PRSS3: variants seen among roughly 807,000 people sequenced by gnomAD.
PRSS3 encodes the protein serine protease 3.
Under a neutral mutation model 20.8 loss-of-function variants are expected in PRSS3, and 14 were observed. The observed-to-expected ratio is 0.67, with a 90% CI of 0.44 to 1.05. The LOEUF is 1.05. Ranked by LOEUF, PRSS3 falls within the 50% of genes least tolerant of loss-of-function variation. The pLI is 0.00. For missense variants in PRSS3, 237 were observed against 306.4 expected (o/e 0.77, Z 1.69); for synonymous variants, 91 against 117.6 (o/e 0.77, Z 1.46).
chr9:33,780,081 A>G (rs1247880908), intron 1 of PRSS3, among the ~76,000 whole-genome samples: 2 of 151,992 alleles, frequency 1.3e-5, no homozygotes, highest in Non-Finnish European at 2.9e-5. Flanking sequence ...GCTAGTTACT[A>G]TATAAGACAA....
intron 1 of PRSS3, among the ~76,000 whole-genome samples, chr9:33,778,846 C>A (rs1002279587): frequency 6.6e-6 from 1 of 152,178 alleles, no homozygotes; most frequent in Non-Finnish European, 1.5e-5. Context: ...CTCTCTCCCC[C>A]ACCCACCTCA....
chr9:33,761,540 C>G (rs546145254), intron 1 of PRSS3, among the ~76,000 whole-genome samples: 1 of 152,124 alleles, frequency 6.6e-6, no homozygotes, highest in South Asian at 2.1e-4. Flanking sequence ...AACCCTGCCT[C>G]TACTAAAATT....
intron 1 of PRSS3, chr9:33,786,831 C>A (rs1824432750): frequency 4.1e-6 from 3 of 734,202 alleles, no homozygotes. Context: ...GTTGAAGACA[C>A]AGTGCAGGGC....
At chr9:33,755,687 A>G (rs1341421471) in intron 1 of PRSS3, among the ~76,000 whole-genome samples, 1 of 152,046 alleles carries the variant, frequency 6.6e-6, no homozygotes, top group Non-Finnish European at 1.5e-5. Flanking sequence ...ACCCCATGGA[A>G]TGGGGTGTAG....
At chr9:33,787,211 T>C (rs1261817823) in intron 1 of PRSS3, among the ~76,000 whole-genome samples, 1 of 152,246 alleles carries the variant, frequency 6.6e-6, no homozygotes. Context: ...TAGCTGGTTT[T>C]CTATCATAAT....
chr9:33,767,357 C>T (rs961942145), intron 1 of PRSS3, among the ~76,000 whole-genome samples: 30 of 152,082 alleles, frequency 2.0e-4, no homozygotes, highest in African/African-American at 7.2e-4. Flanking sequence ...GGATAAATAA[C>T]ATATGGCATT....
intron 1 of PRSS3, among the ~76,000 whole-genome samples, chr9:33,778,899 G>A (rs957932986): frequency 6.6e-6 from 1 of 152,170 alleles, no homozygotes; most frequent in Non-Finnish European, 1.5e-5. Flanking sequence ...CACACAAGCT[G>A]GGTGTTAGCC....
intron 1 of PRSS3, among the ~76,000 whole-genome samples, chr9:33,787,169 A>G (rs1824446651): frequency 6.6e-6 from 1 of 152,224 alleles, no homozygotes; most frequent in African/African-American, 2.4e-5. Context: ...GGTCAGTAAT[A>G]GCCTTTAACT....
chr9:33,772,072 A>T (rs1287984703), intron 1 of PRSS3, among the ~76,000 whole-genome samples: 1 of 151,704 alleles, frequency 6.6e-6, no homozygotes, highest in East Asian at 1.9e-4. Context: ...GGGTTTCACC[A>T]TGTTGGCCAG....
At chr9:33,796,232 C>T (rs1300428705) in intron 1 of PRSS3, among the ~76,000 whole-genome samples, 2 of 152,140 alleles carry the variant, frequency 1.3e-5, no homozygotes, top group African/African-American at 4.8e-5. Context: ...CCAGGTCTAC[C>T]CAGACAGGGG....
chr9:33,784,956 T>C (rs1210969821), intron 1 of PRSS3, among the ~76,000 whole-genome samples: 2 of 152,154 alleles, frequency 1.3e-5, no homozygotes, highest in Admixed American at 1.3e-4. Flanking sequence ...CTCTAGGTCT[T>C]ATCTGTAAAA....
In PRSS3 at chr9:33,775,357, G is replaced by T. The variant is rs574884346; in HGVS notation, c.-52-19389G>T. On this transcript the variant is annotated intron_variant, in intron 1 of 5. Coordinates refer to the PRSS3 transcript ENST00000342836. ...CAGATTCAATTCAGAGCAGTGGCTG[G>T]GGGGTTGAAAATCCTTGGCTTTGTT... Among the ~76,000 whole-genome samples, 12 of 152,266 alleles carry T rather than the reference G, an allele frequency of 7.9e-5. No individual in the cohort carries two copies. In the South Asian group the frequency reaches 2.5e-3, roughly 32 times the overall value.
intron 2 of PRSS3, 59 bp downstream of exon 2, chr9:33,796,861 T>G (rs1824980174): frequency 1.2e-6 from 2 of 1,613,564 alleles, no homozygotes; most frequent in African/African-American, 2.7e-5. Context: ...AGAGCTTGGC[T>G]TCAGCCCAGG....
chr9:33,787,992 C>G (rs1178208932), intron 1 of PRSS3, among the ~76,000 whole-genome samples: 3 of 152,208 alleles, frequency 2.0e-5, no homozygotes, highest in African/African-American at 7.2e-5. Context: ...CTTGTCTGTG[C>G]CTTCCCTACT....
chr9:33,772,444 C>T (rs1823750606), intron 1 of PRSS3, among the ~76,000 whole-genome samples: 2 of 152,106 alleles, frequency 1.3e-5, no homozygotes, highest in Admixed American at 6.6e-5. Flanking sequence ...CACCAGTCCC[C>T]GTTGTGAGCC....
intron 1 of PRSS3, among the ~76,000 whole-genome samples, chr9:33,755,013 G>T (rs1248482109): frequency 1.3e-5 from 2 of 152,058 alleles, no homozygotes; most frequent in African/African-American, 2.4e-5. Flanking sequence ...AATGGGTAAT[G>T]CAGTGGGTCT....
upstream of PRSS3, chr9:33,794,781 C>T: frequency 6.4e-7 from 1 of 1,550,666 alleles, no homozygotes; most frequent in Non-Finnish European, 8.7e-7. Flanking sequence ...ATAAAAAGAA[C>T]CTATGACAGG....
chr9:33,766,012 A>C (rs989650641), intron 1 of PRSS3, among the ~76,000 whole-genome samples: 1 of 152,192 alleles, frequency 6.6e-6, no homozygotes, highest in African/African-American at 2.4e-5. Context: ...CCACACCTGT[A>C]ATCCCAGCAC....
intron 1 of PRSS3, among the ~76,000 whole-genome samples, chr9:33,782,718 C>G (rs1318967315): frequency 6.6e-6 from 1 of 152,162 alleles, no homozygotes; most frequent in African/African-American, 2.4e-5. Context: ...CCTGGCAACA[C>G]CAAATGCTGG....
Sources: allele counts gnomAD v4.1 joint callset (sites outside exome capture counted in the v4.1 genomes callset), GRCh38; gene constraint gnomAD v4.1.1; transcripts MANE v1.5; gene names NCBI Gene and HGNC (gene_info 2026-07-23, HGNC 2026-07-21).